Variants in SLC12A8 observed in about 807,000 individuals in gnomAD.
SLC12A8 encodes cation-chloride cotransporter 9.
Under a neutral mutation model 75.6 loss-of-function variants are expected in SLC12A8, and 69 were observed. The observed-to-expected ratio is 0.91, with a 90% confidence interval of 0.75 to 1.11. SLC12A8 has a LOEUF of 1.11. Among genes scored for constraint, SLC12A8 ranks in the 50% most tolerant of loss-of-function variants. The probability of loss-of-function intolerance (pLI) is 0.00; values close to 1 mark genes in which losing one functional copy is unlikely to be tolerated. For missense variants in SLC12A8, 877 were observed against 896.7 expected (o/e 0.98, Z 0.28); for synonymous variants, 365 against 372.8 (o/e 0.98, Z 0.24).
chr3:125,176,504 C>T (rs549686507), intron 5 of SLC12A8, among the ~76,000 whole-genome samples: 2 of 152,294 alleles, frequency 1.3e-5, no homozygotes, highest in African/African-American at 4.8e-5. Flanking sequence ...GGCTTCTGCA[C>T]AGCAAAAGAA....
At chr3:125,136,338 T>C (rs1020439965) in intron 5 of SLC12A8, among the ~76,000 whole-genome samples, 2 of 152,180 alleles carry the variant, frequency 1.3e-5, no homozygotes, top group Non-Finnish European at 2.9e-5. Flanking sequence ...GGCAGTCTCC[T>C]GGCCTTCCAG....
intron 3 of SLC12A8, among the ~76,000 whole-genome samples, chr3:125,189,765 G>A (rs1195735323): frequency 6.6e-6 from 1 of 152,214 alleles, no homozygotes. Context: ...GTGTGGGACT[G>A]AGAACCCCTG....
intron 4 of SLC12A8, among the ~76,000 whole-genome samples, chr3:125,178,555 C>T (rs1278871487): frequency 6.6e-6 from 1 of 152,148 alleles, no homozygotes; most frequent in Non-Finnish European, 1.5e-5. Flanking sequence ...TGATTAAATG[C>T]ATTATATGCC....
At chr3:125,085,202 A>G (rs1938427280) in intron 13 of SLC12A8, among the ~76,000 whole-genome samples, 2 of 152,252 alleles carry the variant, frequency 1.3e-5, no homozygotes, top group Admixed American at 6.5e-5. Flanking sequence ...AAAATGTCAC[A>G]CCAGTCAACA....
At chr3:125,156,374 T>C (rs1186644772) in intron 5 of SLC12A8, among the ~76,000 whole-genome samples, 1 of 152,156 alleles carries the variant, frequency 6.6e-6, no homozygotes, top group Non-Finnish European at 1.5e-5. Context: ...GTGTGTGTGA[T>C]CATGCATGGG....
At chr3:125,204,130 T>C (rs907050839) in intron 2 of SLC12A8, among the ~76,000 whole-genome samples, 9 of 152,210 alleles carry the variant, frequency 5.9e-5, no homozygotes, top group African/African-American at 2.2e-4. Flanking sequence ...TTGTGCACTG[T>C]TGGTGAAAAT....
chr3:125,106,037 T>G (rs1939013528), intron 10 of SLC12A8, among the ~76,000 whole-genome samples: 1 of 151,996 alleles, frequency 6.6e-6, no homozygotes, highest in Admixed American at 6.6e-5. Context: ...TGTCAGAAAC[T>G]GACATATCAA....
intron 6 of SLC12A8, among the ~76,000 whole-genome samples, chr3:125,135,404 G>A (rs1182908057): frequency 6.6e-6 from 1 of 152,116 alleles, no homozygotes; most frequent in East Asian, 1.9e-4. Context: ...CATATCGAAG[G>A]CCTTCAGTAA....
Position 125,111,135 on chromosome 3 carries a change from C to T in SLC12A8, c.913-800G>A, listed in dbSNP as rs553375761. The stretch of plus-strand genomic sequence containing the variant: ...AACATGATGTTAGGATAGCACCTAT[C>T]GTGGTGCCCCCTCCACTAATCTGGA... On this transcript the variant is annotated intron_variant, in intron 8 of 13. Coordinates refer to ENST00000469902, the MANE Select transcript of SLC12A8 (RefSeq NM_024628.6). Among the ~76,000 whole-genome samples, 10 of 152,304 alleles carry T rather than the reference C, an allele frequency of 6.6e-5. No individual in the cohort carries two copies. The East Asian group carries it at 1.2e-3, about 18-fold the overall frequency.
At chr3:125,140,129 A>G (rs1222605309) in intron 5 of SLC12A8, among the ~76,000 whole-genome samples, 4 of 152,216 alleles carry the variant, frequency 2.6e-5, no homozygotes, top group Non-Finnish European at 5.9e-5. Context: ...TTGCCAAGCA[A>G]TGGCCAAGAC....
chr3:125,085,084 A>G (rs898694923), intron 13 of SLC12A8, among the ~76,000 whole-genome samples: 1 of 152,228 alleles, frequency 6.6e-6, no homozygotes, highest in Non-Finnish European at 1.5e-5. Context: ...CTATGGCATT[A>G]CAGCCAGTTG....
intron 5 of SLC12A8, among the ~76,000 whole-genome samples, chr3:125,142,801 C>A (rs953225962): frequency 1.3e-5 from 2 of 152,210 alleles, no homozygotes; most frequent in Non-Finnish European, 2.9e-5. Flanking sequence ...ATTCTGAAGT[C>A]TTCCCAGCCA....
At chr3:125,159,305 A>C (rs1410525493) in intron 5 of SLC12A8, among the ~76,000 whole-genome samples, 2 of 152,138 alleles carry the variant, frequency 1.3e-5, no homozygotes, top group African/African-American at 4.8e-5. Context: ...TATGTTGCCC[A>C]GGCTAGTCTC....
chr3:125,119,827 T>A (rs1416110750), intron 7 of SLC12A8: 4 of 456,484 alleles, frequency 8.8e-6, no homozygotes, highest in Non-Finnish European at 8.8e-6. Context: ...CTCAAGTCAT[T>A]GTTTCTGGTC....
At chr3:125,108,395 G>T (rs1660145329) in intron 9 of SLC12A8, among the ~76,000 whole-genome samples, 1 of 151,310 alleles carries the variant, frequency 6.6e-6, no homozygotes, top group Non-Finnish European at 1.5e-5. Context: ...TTGAGACCGG[G>T]TCTGGCTCTG....
intron 1 of SLC12A8, among the ~76,000 whole-genome samples, 167 bp downstream of exon 1, chr3:125,212,533 G>A (rs1002466678): frequency 1.3e-4 from 20 of 152,154 alleles, no homozygotes; most frequent in African/African-American, 4.6e-4. Context: ...CAAGTACTGG[G>A]GCCAGGCCCG....
chr3:125,201,023 A>T (rs747253339), intron 2 of SLC12A8, among the ~76,000 whole-genome samples: 1 of 152,226 alleles, frequency 6.6e-6, no homozygotes, highest in Non-Finnish European at 1.5e-5. Flanking sequence ...ATTTTTACAC[A>T]GGTGAGTGGT....
At chr3:125,116,513 A>G (rs76333739) in intron 8 of SLC12A8, among the ~76,000 whole-genome samples, 2,262 of 152,194 alleles carry the variant, frequency 0.015, 61 homozygotes, top group South Asian at 0.096. Context: ...TTGTGTGCCT[A>G]TCATTAGGTG....
At chr3:125,120,461 T>G in intron 7 of SLC12A8, 138 bp downstream of exon 7, 1 of 710,280 alleles carries the variant, frequency 1.4e-6, no homozygotes, top group South Asian at 1.6e-5. Context: ...GCCCACCGAG[T>G]GTTAAAAGAA....
Sources: allele counts gnomAD v4.1 joint callset (sites outside exome capture counted in the v4.1 genomes callset), GRCh38; gene constraint gnomAD v4.1.1; transcripts MANE v1.5; gene names NCBI Gene and HGNC (gene_info 2026-07-23, HGNC 2026-07-21).